Variants in CUX1 observed in about 807,000 individuals in gnomAD.
CUX1 encodes the protein protein CASP.
CUX1 carries 31 observed loss-of-function variants against 158.8 expected under a neutral mutation model. The ratio of observed to expected loss-of-function variants is 0.20; its 90% CI spans 0.15 to 0.26. The LOEUF (loss-of-function observed/expected upper bound fraction) is 0.26. Ranked by LOEUF, CUX1 falls within the 10% of genes least tolerant of loss-of-function variation. The pLI is 1.00. For missense variants in CUX1, 1,589 were observed against 2,014.6 expected (o/e 0.79, Z 4.04); for synonymous variants, 879 against 862.1 (o/e 1.02, Z -0.34).
chr7:102,261,183 A>G (rs1790376120), downstream of CUX1, among the ~76,000 whole-genome samples: 1 of 151,964 alleles, frequency 6.6e-6, no homozygotes, highest in Non-Finnish European at 1.5e-5. Flanking sequence ...AGAAGTTCAG[A>G]CTCTTAGAAT....
intron 2 of CUX1, among the ~76,000 whole-genome samples, chr7:102,012,704 GC>G (rs1275748265): frequency 1.6e-5 from 2 of 122,582 alleles, no homozygotes; most frequent in African/African-American, 5.9e-5. Context: ...GAGAGTGGGG[GC>G]GGGGGGAGGG....
At chr7:102,054,883 A>G (rs2130192246) in intron 3 of CUX1, among the ~76,000 whole-genome samples, 1 of 152,002 alleles carries the variant, frequency 6.6e-6, no homozygotes, top group East Asian at 1.9e-4. Flanking sequence ...TGGCAGGAGG[A>G]TCACTTCAGC....
At chr7:101,817,354 G>A (rs1475572064), upstream of CUX1, 5 of 984,750 alleles carry the variant, frequency 5.1e-6, no homozygotes, top group East Asian at 1.1e-4. This position sits in a 1 kb window ranked among gnomAD's most constrained non-coding sequence, Gnocchi z 4.1. Context: ...AGCGCGCGGC[G>A]GGTGCGCTCG....
chr7:102,194,644 A>G (rs1388398255), intron 13 of CUX1, among the ~76,000 whole-genome samples: 1 of 151,692 alleles, frequency 6.6e-6, no homozygotes, highest in Non-Finnish European at 1.5e-5. Flanking sequence ...GGATTGGTTT[A>G]GGAACTTTAG....
exon 23 of CUX1, chr7:102,283,021 G>T: frequency 2.5e-6 from 4 of 1,612,452 alleles, no homozygotes; most frequent in Non-Finnish European, 3.4e-6. Flanking sequence ...TGTCCCCCAG[G>T]TTCGCTGACC....
intron 21 of CUX1, among the ~76,000 whole-genome samples, chr7:102,233,705 T>G (rs573505408): frequency 6.6e-6 from 1 of 152,252 alleles, no homozygotes; most frequent in Non-Finnish European, 1.5e-5. Flanking sequence ...GAGAATTGCT[T>G]GAACCTGGGA....
intron 1 of CUX1, among the ~76,000 whole-genome samples, chr7:101,850,958 A>G: frequency 6.6e-6 from 1 of 152,088 alleles, no homozygotes; most frequent in East Asian, 1.9e-4. Context: ...AAATAAAAAA[A>G]TTATCCAGGT....
Position 101,958,479 on chromosome 7 carries a change from C to CTTTTTT in CUX1, c.141+42268_141+42273dup, listed in dbSNP as rs11433173. On this transcript the variant is annotated intron_variant, in intron 2 of 23. Transcript: ENST00000292535. Reference sequence around the variant, plus strand: ...TAGGGTGGTCCTGAGATTTTCTTTTCTTTTTTTTTTTTTTTTTTTGAGGCG... The same window carrying CTTTTTT: ...TAGGGTGGTCCTGAGATTTTCTTTTCTTTTTTTTTTTTTTTTTTTTTTTTTGAGGCG... 8.4e-3 allele frequency among the ~76,000 whole-genome samples: 938 copies of CTTTTTT among 111,638 alleles called. 7 individuals carry two copies. The highest frequency in any genetic ancestry group is 0.011 in the Non-Finnish European group (623 of 57,790). 73.2% of individuals were successfully genotyped at this position (111,638 alleles called of 152,430 possible).
Position 102,251,981 on chromosome 7 carries a change from G to T in CUX1, c.*2939G>T. 1.0e-6 allele frequency: 1 copy of T among 985,272 alleles called. No homozygotes were observed. The highest frequency in any genetic ancestry group is 1.2e-6 in the Non-Finnish European group (1 of 829,886). The allele number at this position is 985,272 out of a possible 1,614,324, so 61.0% of individuals were successfully genotyped here. A position where few individuals can be genotyped will look rare whatever the true frequency, so the allele number is the denominator to read the frequency against. On this transcript the variant is annotated 3_prime_UTR_variant, in exon 24 of 24. Coordinates refer to ENST00000292535, the MANE Select transcript of CUX1 (RefSeq NM_181552.4). ...TCATATGTGTTGTTTTCTCTTTTCT[G>T]TTTTTACTTCTTAGATTTTTAACTA...
At chr7:102,206,424 T>C (rs934574243) in intron 20 of CUX1, among the ~76,000 whole-genome samples, 2 of 152,150 alleles carry the variant, frequency 1.3e-5, no homozygotes, top group Non-Finnish European at 2.9e-5. Flanking sequence ...TTCAGAATAC[T>C]TCAGGGGAAA....
chr7:102,211,890 C>T (rs1424978027), intron 20 of CUX1, among the ~76,000 whole-genome samples: 2 of 151,584 alleles, frequency 1.3e-5, no homozygotes, highest in Non-Finnish European at 2.9e-5. Flanking sequence ...GCAGGCCGCG[C>T]GGGAGCAGCA....
In CUX1 at chr7:102,234,206, G is replaced by C; in HGVS notation, c.3588G>C (p.Glu1196Asp). The C allele has an allele frequency of 6.3e-7, 1 of 1,581,628 alleles. No individual in the cohort carries two copies. Among genetic ancestry groups the C allele is most frequent in the South Asian group, 1.2e-5 (1 of 86,142 alleles). Reference sequence around the variant, plus strand: ...GGCTGAACGACCCCAACAATGTGGAGAAGCTGATGGACATGAAACGGATGG... The same window carrying C: ...GGCTGAACGACCCCAACAATGTGGACAAGCTGATGGACATGAAACGGATGG... ...QLWLNDPNNV[E>D]KLMDMKRMEK... Residue 1196 changes from glutamate to aspartate, a missense_variant, in exon 22 of 24, where the codon GAG becomes GAC. Glu to Asp is a conservative substitution (Grantham distance 45). Coordinates refer to ENST00000292535, the MANE Select transcript of CUX1 (RefSeq NM_181552.4).
chr7:102,066,594 C>T (rs1825574627), intron 3 of CUX1, among the ~76,000 whole-genome samples: 5 of 152,150 alleles, frequency 3.3e-5, no homozygotes, highest in Admixed American at 2.6e-4. Flanking sequence ...CGGAATACCT[C>T]GGAAGTGAGG....
chr7:102,203,547 G>A (rs1020968248), intron 18 of CUX1, among the ~76,000 whole-genome samples: 4 of 152,204 alleles, frequency 2.6e-5, no homozygotes, highest in Non-Finnish European at 5.9e-5. Context: ...GTTCAGTGTT[G>A]TAAAAATACC....
intron 1 of CUX1, among the ~76,000 whole-genome samples, chr7:101,833,064 AGG>A (rs1794235590): frequency 1.3e-5 from 2 of 152,078 alleles, no homozygotes; most frequent in South Asian, 4.1e-4. Flanking sequence ...CCTGAGAAAA[AGG>A]GAGGAGGGTG....
At chr7:102,237,334 C>T (rs1176213368) in intron 22 of CUX1, among the ~76,000 whole-genome samples, 5 of 151,926 alleles carry the variant, frequency 3.3e-5, no homozygotes, top group Non-Finnish European at 7.4e-5. Flanking sequence ...CTCAAGTGAT[C>T]CTCCCGTCCC....
At chr7:102,225,309 C>T (rs1798236827) in intron 20 of CUX1, among the ~76,000 whole-genome samples, 1 of 152,152 alleles carries the variant, frequency 6.6e-6, no homozygotes, top group African/African-American at 2.4e-5. Flanking sequence ...GCTTAAGTTG[C>T]AAATGTTTTA....
At chr7:102,010,621 G>GCGTA (rs1817890165) in intron 2 of CUX1, among the ~76,000 whole-genome samples, 1 of 152,168 alleles carries the variant, frequency 6.6e-6, no homozygotes, top group Non-Finnish European at 1.5e-5. Context: ...ATGTGTGTGT[G>GCGTA]CGTATTTAAG....
chr7:101,971,654 T>C (rs541665477), intron 2 of CUX1, among the ~76,000 whole-genome samples: 11 of 152,260 alleles, frequency 7.2e-5, no homozygotes, highest in African/African-American at 2.6e-4. Context: ...GTCATGTGAC[T>C]TACGCTGTCC....
Sources: allele counts gnomAD v4.1 joint callset (sites outside exome capture counted in the v4.1 genomes callset), GRCh38; gene constraint gnomAD v4.1.1; non-coding constraint Gnocchi (gnomAD v3.1); transcripts MANE v1.5; gene names NCBI Gene and HGNC (gene_info 2026-07-23, HGNC 2026-07-21).